SRRM3: variants seen among roughly 807,000 people sequenced by gnomAD.
SRRM3 encodes the protein serine/arginine repetitive matrix protein 3.
Under a neutral mutation model 66.2 loss-of-function variants are expected in SRRM3, and 27 were observed. The observed-to-expected ratio is 0.41, with a 90% CI of 0.30 to 0.56. The LOEUF (loss-of-function observed/expected upper bound fraction) is 0.56, where lower values mean the gene tolerates loss of function less well. SRRM3 is among the 20% of genes least tolerant of loss of function. The probability of loss-of-function intolerance (pLI) is 0.32; values close to 1 mark genes in which losing one functional copy is unlikely to be tolerated. For missense variants in SRRM3, 918 were observed against 991.9 expected (o/e 0.93, Z 1.00); for synonymous variants, 391 against 414.9 (o/e 0.94, Z 0.70).
At chr7:76,207,556 T>C (rs1800333120) in intron 1 of SRRM3, among the ~76,000 whole-genome samples, 1 of 152,106 alleles carries the variant, frequency 6.6e-6, no homozygotes, top group African/African-American at 2.4e-5. Context: ...TCATGAGCAT[T>C]CTCTGATGTC....
intron 3 of SRRM3, 150 bp from the exon 4 acceptor site, chr7:76,259,756 T>G: frequency 1.7e-6 from 2 of 1,190,484 alleles, no homozygotes. Context: ...CCTAGCCCTG[T>G]AAGGCCAGGG....
chr7:76,261,575 G>A lies in SRRM3; in HGVS notation c.668G>A (p.Arg223Gln), dbSNP rs528273487. Reference protein sequence around the residue: ...RSDSGSRRKRRHRSRSSKCKR... With the variant: ...RSDSGSRRKRQHRSRSSKCKR... Reference sequence around the variant, plus strand: ...GATTCTGGGTCCCGGAGGAAGAGACGGCACAGGTGAGCGGCGCTTTGCAGA... The same window carrying A: ...GATTCTGGGTCCCGGAGGAAGAGACAGCACAGGTGAGCGGCGCTTTGCAGA... Residue 223 changes from arginine (R) to glutamine (Q), a missense_variant, in exon 8 of 15, where the codon CGG becomes CAG. Transcript: ENST00000611745. 3.2e-5 allele frequency: 52 copies of A among 1,611,742 alleles called. No homozygotes were observed. The South Asian group carries it at 4.6e-4, about 14-fold the overall frequency.
At chr7:76,210,479 G>GATTC (rs1386998040) in intron 1 of SRRM3, among the ~76,000 whole-genome samples, 174 of 152,280 alleles carry the variant, frequency 1.1e-3, no homozygotes, top group African/African-American at 4.1e-3. Context: ...GATCGTCCTT[G>GATTC]ATTCATTCAT....
At chr7:76,267,679 T>A in intron 11 of SRRM3, 1 of 383,040 alleles carries the variant, frequency 2.6e-6, no homozygotes, top group Non-Finnish European at 4.6e-6. Context: ...TGGGCCACCC[T>A]TGCGCTTGGC....
intron 1 of SRRM3, among the ~76,000 whole-genome samples, chr7:76,220,364 GATGAGGAAGAACCTTCCAGGC>G (rs1418939100): frequency 3.0e-4 from 46 of 152,234 alleles, no homozygotes; most frequent in Non-Finnish European, 1.6e-4. Context: ...AGGAAGGGTA[GATGAGGAAGAACCTTCCAGGC>G]ATGAGGAACA....
At chr7:76,254,521 T>C (rs1801657310) in intron 3 of SRRM3, among the ~76,000 whole-genome samples, 1 of 152,204 alleles carries the variant, frequency 6.6e-6, no homozygotes, top group Non-Finnish European at 1.5e-5. Context: ...TTTCACCATG[T>C]TGGTAAGGCT....
chr7:76,266,556 A>G (rs1426558715), intron 10 of SRRM3, among the ~76,000 whole-genome samples: 2 of 115,332 alleles, frequency 1.7e-5, no homozygotes, highest in Non-Finnish European at 3.3e-5. Context: ...TATATATTAA[A>G]TATATAATAT....
rs368292268 is a variant in SRRM3 at position 76,251,644 on chromosome 7, G to A, written c.335+3355G>A. Among the ~76,000 whole-genome samples the A allele has an allele frequency of 1.7e-4, 26 of 152,024 alleles. No homozygotes were observed. In the East Asian group the frequency reaches 3.7e-3, roughly 22 times the overall value. On this transcript the variant is annotated intron_variant, in intron 3 of 14. Transcript: ENST00000611745. ...CTGCCTTGGCCTCCCAAAGTGCTGG[G>A]ATTACAGGCGTGAGCCACCGCGCCC...
intron 1 of SRRM3, among the ~76,000 whole-genome samples, chr7:76,205,852 A>G (rs1554601088): frequency 1.3e-5 from 2 of 152,210 alleles, no homozygotes; most frequent in Admixed American, 6.5e-5. Context: ...TTGAAATCTC[A>G]GCTCCAATAA....
At chr7:76,277,781 C>T (rs1303285478) in intron 11 of SRRM3, among the ~76,000 whole-genome samples, 1 of 110,568 alleles carries the variant, frequency 9.0e-6, no homozygotes, top group African/African-American at 3.7e-5. Context: ...GTAGCTGGCT[C>T]AGGTTCAAAC....
intron 3 of SRRM3, among the ~76,000 whole-genome samples, chr7:76,255,148 C>CTTTCTTTTTTTTTTTTTT (rs1447372520): frequency 1.2e-5 from 1 of 83,178 alleles, no homozygotes; most frequent in African/African-American, 6.3e-5. Flanking sequence ...TTCTTTCTTT[C>CTTTCTTTTTTTTTTTTTT]TTTTTTTTTT....
chr7:76,215,253 C>T (rs1800529980), intron 1 of SRRM3, among the ~76,000 whole-genome samples: 1 of 151,842 alleles, frequency 6.6e-6, no homozygotes, highest in Non-Finnish European at 1.5e-5. Context: ...CTATGAAATG[C>T]ATCCTACGTT....
intron 11 of SRRM3, among the ~76,000 whole-genome samples, 187 bp from the exon 12 acceptor site, chr7:76,281,254 G>C (rs782049782): frequency 1.4e-5 from 2 of 144,874 alleles, no homozygotes; most frequent in Non-Finnish European, 3.0e-5. Context: ...CTCTTTTTCT[G>C]TCTCTCTGTC....
At chr7:76,275,258 C>T (rs1802316152) in intron 11 of SRRM3, among the ~76,000 whole-genome samples, 1 of 152,048 alleles carries the variant, frequency 6.6e-6, no homozygotes. Context: ...TGTCAGGGAG[C>T]TCACCCACTC....
chr7:76,246,007 TATTC>T (rs1249936565), intron 2 of SRRM3, among the ~76,000 whole-genome samples: 1 of 152,038 alleles, frequency 6.6e-6, no homozygotes, highest in Non-Finnish European at 1.5e-5. Flanking sequence ...CAGTAGGTCT[TATTC>T]ATTCTATTTT....
intron 11 of SRRM3, among the ~76,000 whole-genome samples, chr7:76,270,436 G>A (rs967292099): frequency 6.6e-6 from 1 of 152,278 alleles, no homozygotes; most frequent in Non-Finnish European, 1.5e-5. Flanking sequence ...AGCACTTTGG[G>A]AGGCTGAGGG....
chr7:76,220,037 C>T (rs141398612), intron 1 of SRRM3, among the ~76,000 whole-genome samples: 51 of 152,328 alleles, frequency 3.3e-4, no homozygotes, highest in Middle Eastern at 6.8e-3. Context: ...GACCAAGGAC[C>T]TCTCCCTCTG....
intron 1 of SRRM3, among the ~76,000 whole-genome samples, chr7:76,222,941 C>T (rs189536486): frequency 6.6e-6 from 1 of 152,142 alleles, no homozygotes; most frequent in East Asian, 1.9e-4. Context: ...TCCCTCTTTC[C>T]TCTCCATGCC....
intron 1 of SRRM3, among the ~76,000 whole-genome samples, chr7:76,207,528 G>A (rs1554601282): frequency 1.3e-5 from 2 of 152,142 alleles, no homozygotes; most frequent in African/African-American, 2.4e-5. Context: ...GAGGAGGTCT[G>A]TTGCTGTTTT....
Sources: gnomAD v4.1 joint callset for allele counts (sites outside exome capture counted in the v4.1 genomes callset) on GRCh38, gnomAD v4.1.1 for gene constraint, MANE v1.5 for transcripts, NCBI Gene and HGNC (gene_info 2026-07-23, HGNC 2026-07-21) for gene names.